AKT3: variants seen among roughly 807,000 people sequenced by gnomAD.
The protein encoded by AKT3 is AKT serine/threonine kinase 3, also known as RAC-gamma serine/threonine-protein kinase.
A neutral mutation model predicts 65.3 loss-of-function variants in AKT3; 15 were observed. That is an observed-to-expected ratio of 0.23 (90% confidence interval 0.15 to 0.35). The LOEUF is 0.35. Among genes scored for constraint, AKT3 ranks in the 10% least tolerant of loss-of-function variants. The probability of loss-of-function intolerance (pLI) is 1.00; values close to 1 mark genes in which losing one functional copy is unlikely to be tolerated. For missense variants in AKT3, 243 were observed against 576.5 expected, an observed-to-expected ratio of 0.42 and a Z score of 5.92; for synonymous variants, 206 against 183.8, an observed-to-expected ratio of 1.12 and a Z score of -0.98.
In AKT3 at chr1:243,549,050, T is replaced by C. The variant is rs372651818; in HGVS notation, c.1164-3453A>G. Among the ~76,000 whole-genome samples the C allele has an allele frequency of 3.3e-5, 5 of 152,304 alleles. No individual in the cohort carries two copies. The East Asian group carries it at 5.8e-4, about 18-fold the overall frequency. On this transcript the variant is annotated intron_variant, in intron 11 of 13. Transcript: ENST00000673466. ...CCCTAAGATTCTGTCCTAGGCCCTCTTCTCCTTATCCACTACCCTTGCCAC... is the reference window on the plus strand; with the variant it reads ...CCCTAAGATTCTGTCCTAGGCCCTCCTCTCCTTATCCACTACCCTTGCCAC...
At chr1:243,659,600 G>A (rs940256518) in intron 4 of AKT3, among the ~76,000 whole-genome samples, 11 of 152,106 alleles carry the variant, frequency 7.2e-5, no homozygotes, top group African/African-American at 1.2e-4. Flanking sequence ...TCCTAAAAGC[G>A]CAAATATGTA....
chr1:243,500,090 G>T lies in AKT3; in HGVS notation c.*5159C>A. 2.4e-6 allele frequency: 1 copy of T among 408,868 alleles called. No homozygotes were observed. The highest frequency in any genetic ancestry group is 4.4e-6 in the Non-Finnish European group (1 of 229,024). 25.3% of individuals were successfully genotyped at this position (408,868 alleles called of 1,614,324 possible). Reference sequence around the variant, plus strand: ...ATTTTCAATAAATGAACTTTTTAAAGACTTGAGTTGTAATGTTTCCTTTTT... The same window carrying T: ...ATTTTCAATAAATGAACTTTTTAAATACTTGAGTTGTAATGTTTCCTTTTT... On this transcript the variant is annotated 3_prime_UTR_variant, in exon 14 of 14. Coordinates refer to ENST00000673466, the MANE Select transcript of AKT3 (RefSeq NM_005465.7).
At chr1:243,824,127 T>C (rs539067150) in intron 2 of AKT3, among the ~76,000 whole-genome samples, 101 of 152,306 alleles carry the variant, frequency 6.6e-4, no homozygotes, top group Admixed American at 7.2e-4. Flanking sequence ...CATCTGATCT[T>C]TGACAAACCT....
chr1:243,824,234 C>T (rs1382702924), intron 2 of AKT3, among the ~76,000 whole-genome samples: 1 of 152,138 alleles, frequency 6.6e-6, no homozygotes, highest in African/African-American at 2.4e-5. Flanking sequence ...GGGCCCCTTC[C>T]TTACATCATA....
intron 4 of AKT3, among the ~76,000 whole-genome samples, chr1:243,649,345 G>A (rs1175892605): frequency 6.7e-6 from 1 of 149,196 alleles, no homozygotes; most frequent in East Asian, 1.9e-4. Context: ...GTGTGTGTGT[G>A]TGTGTGTGTG....
At chr1:243,839,598 A>G (rs1268591960) in intron 2 of AKT3, among the ~76,000 whole-genome samples, 4 of 152,160 alleles carry the variant, frequency 2.6e-5, no homozygotes, top group Non-Finnish European at 5.9e-5. Context: ...TTAATATATC[A>G]CTAATAACCA....
At chr1:243,640,063 A>G (rs78209003) in intron 5 of AKT3, among the ~76,000 whole-genome samples, 4,251 of 152,284 alleles carry the variant, frequency 0.028, 78 homozygotes, top group Non-Finnish European at 0.042. Context: ...ATTTTTTATA[A>G]TTTTCCCCAA....
intron 9 of AKT3, among the ~76,000 whole-genome samples, chr1:243,565,226 C>T (rs760721339): frequency 3.3e-5 from 5 of 151,986 alleles, no homozygotes; most frequent in African/African-American, 4.8e-5. Context: ...TACTGCTGAA[C>T]CTTTAAAAAA....
At chr1:243,648,682 C>T (rs769036979) in intron 4 of AKT3, among the ~76,000 whole-genome samples, 1 of 152,078 alleles carries the variant, frequency 6.6e-6, no homozygotes, top group Non-Finnish European at 1.5e-5. Context: ...TGACAGAACG[C>T]ACCAATAAGG....
intron 12 of AKT3, among the ~76,000 whole-genome samples, chr1:243,543,821 A>G (rs141763174): frequency 8.7e-4 from 133 of 152,354 alleles, no homozygotes; most frequent in African/African-American, 3.1e-3. Flanking sequence ...AACTCAAGAT[A>G]TGTGAGTTGA....
intron 1 of AKT3, among the ~76,000 whole-genome samples, chr1:243,849,604 GC>G (rs1187881915): frequency 3.3e-5 from 5 of 151,426 alleles, no homozygotes; most frequent in Non-Finnish European, 5.9e-5. Context: ...CCTCGCCGCC[GC>G]CCCCGGTCCA....
intron 2 of AKT3, among the ~76,000 whole-genome samples, chr1:243,742,059 T>TAAAAAAAAAAAAAAAAAAAAAGAAAAAAA (rs36056068): frequency 1.6e-5 from 2 of 125,580 alleles, no homozygotes; most frequent in East Asian, 2.2e-4. Flanking sequence ...GATAGAAAAT[T>TAAAAAAAAAAAAAAAAAAAAAGAAAAAAA]AAAAAAAAAA....
rs1417207304 is a variant in AKT3, at chr1:243,500,788, TAC to T, written c.*4459_*4460del. 1 of 228,982 alleles carries T rather than the reference TAC, an allele frequency of 4.4e-6. No homozygotes were observed. The highest frequency in any genetic ancestry group is 8.7e-6 in the Non-Finnish European group (1 of 115,522). 14.2% of individuals were successfully genotyped at this position (228,982 alleles called of 1,614,324 possible). On this transcript the variant is annotated 3_prime_UTR_variant, in exon 14 of 14. Transcript: ENST00000673466. Reference sequence around the variant, plus strand: ...AGGCTTTGGAGGCGGTGGCATGATCTACACACAGAGACCATTTGAATCTCTTG... The same window carrying T: ...AGGCTTTGGAGGCGGTGGCATGATCTACACAGAGACCATTTGAATCTCTTG...
intron 12 of AKT3, among the ~76,000 whole-genome samples, chr1:243,514,011 GTTT>G (rs999278690): frequency 6.6e-6 from 1 of 151,866 alleles, no homozygotes; most frequent in Non-Finnish European, 1.5e-5. Context: ...GAACAATTTT[GTTT>G]TTTTTATTTT....
At chr1:243,597,268 A>T (rs767832572) in intron 8 of AKT3, among the ~76,000 whole-genome samples, 10 of 152,212 alleles carry the variant, frequency 6.6e-5, no homozygotes, top group Non-Finnish European at 1.3e-4. Context: ...ATGATTTGGG[A>T]AGGTTTTAAT....
chr1:243,577,168 A>G (rs1675001147), intron 8 of AKT3, among the ~76,000 whole-genome samples: 1 of 152,186 alleles, frequency 6.6e-6, no homozygotes, highest in South Asian at 2.1e-4. Context: ...AATGATTGAG[A>G]CAGAGTCTCA....
chr1:243,688,691 C>T (rs1373743832), intron 3 of AKT3, among the ~76,000 whole-genome samples: 1 of 152,038 alleles, frequency 6.6e-6, no homozygotes, highest in East Asian at 1.9e-4. Context: ...GGATGTATCC[C>T]CTCCACTGCA....
intron 6 of AKT3, among the ~76,000 whole-genome samples, chr1:243,627,684 C>T (rs1679285003): frequency 1.3e-5 from 2 of 152,216 alleles, no homozygotes; most frequent in Non-Finnish European, 2.9e-5. Context: ...TCTAACCAAA[C>T]TGTGAAATTC....
intron 12 of AKT3, among the ~76,000 whole-genome samples, chr1:243,514,541 T>C (rs1574513412): frequency 6.6e-6 from 1 of 152,294 alleles, no homozygotes; most frequent in Admixed American, 6.5e-5. Flanking sequence ...TGCACACATA[T>C]GATATACATG....
Sources: gnomAD v4.1 joint callset for allele counts (sites outside exome capture counted in the v4.1 genomes callset) on GRCh38, gnomAD v4.1.1 for gene constraint, MANE v1.5 for transcripts, NCBI Gene and HGNC (gene_info 2026-07-23, HGNC 2026-07-21) for gene names.